Variants in C12orf42 observed in about 807,000 individuals in gnomAD.
The protein encoded by C12orf42 is chromosome 12 open reading frame 42, also known as uncharacterized protein C12orf42.
In C12orf42, 25 loss-of-function variants were observed where a neutral mutation model predicts 21.6. The ratio of observed to expected loss-of-function variants is 1.16; its 90% confidence interval spans 0.84 to 1.62. The LOEUF is 1.62. Ranked by LOEUF, C12orf42 falls within the 40% of genes most tolerant of loss-of-function variation. The probability of loss-of-function intolerance (pLI) is 0.00; values close to 1 mark genes in which losing one functional copy is unlikely to be tolerated. For synonymous variants in C12orf42, 174 were observed against 175.0 expected (o/e 0.99, Z 0.05); for missense variants, 483 against 459.3 (o/e 1.05, Z -0.47).
intron 4 of C12orf42, among the ~76,000 whole-genome samples, chr12:103,281,727 C>T (rs1224685621): frequency 6.6e-6 from 1 of 151,914 alleles, no homozygotes. Flanking sequence ...GCAGTCATAG[C>T]TCACTGCAAC....
the C12orf42 span, among the ~76,000 whole-genome samples, chr12:103,218,550 C>G: frequency 6.6e-6 from 1 of 152,124 alleles, no homozygotes; most frequent in South Asian, 2.1e-4. Flanking sequence ...AAATGCTTCA[C>G]TGGACTCTTG....
intron 4 of C12orf42, among the ~76,000 whole-genome samples, chr12:103,364,932 A>G (rs756648422): frequency 5.3e-5 from 8 of 152,096 alleles, no homozygotes; most frequent in Non-Finnish European, 7.4e-5. Flanking sequence ...TCCTATTGAC[A>G]GTATTCCACA....
chr12:103,506,913 ATATT>A, the C12orf42 span, among the ~76,000 whole-genome samples: 1 of 55,370 alleles, frequency 1.8e-5, no homozygotes, highest in African/African-American at 8.5e-5. Context: ...TATTATATAT[ATATT>A]TATATATTAT....
In C12orf42 at chr12:103,456,570, C is replaced by T. The variant is rs568802147; in HGVS notation, c.78+21779G>A. On this transcript the variant is annotated intron_variant, in intron 2 of 5. Transcript: ENST00000548883. The stretch of plus-strand genomic sequence containing the variant: ...AAGGAATCTTTTAACTCATTGTTTA[C>T]CATTCTTATTATGAAAACAGCACAT... 1.6e-4 allele frequency among the ~76,000 whole-genome samples: 25 copies of T among 152,220 alleles called. No individual in the cohort carries two copies. In the South Asian group the frequency reaches 5.2e-3, roughly 32 times the overall value.
chr12:103,113,504 C>A, the C12orf42 span, among the ~76,000 whole-genome samples: 1 of 148,730 alleles, frequency 6.7e-6, no homozygotes, highest in African/African-American at 2.6e-5. Flanking sequence ...AATTTGAGTT[C>A]TTTTCTCCTA....
chr12:103,383,424 T>C (rs1566202267), intron 3 of C12orf42, among the ~76,000 whole-genome samples: 1 of 152,098 alleles, frequency 6.6e-6, no homozygotes, highest in African/African-American at 2.4e-5. Flanking sequence ...TAAAAGGGCA[T>C]AGTATTCTAT....
chr12:103,136,331 A>T, the C12orf42 span, among the ~76,000 whole-genome samples: 2 of 152,192 alleles, frequency 1.3e-5, no homozygotes, highest in Admixed American at 1.3e-4. Context: ...GGGTATAAAA[A>T]ACCTCCATAG....
At chr12:103,211,084 T>C in the C12orf42 span, among the ~76,000 whole-genome samples, 1 of 152,208 alleles carries the variant, frequency 6.6e-6, no homozygotes, top group East Asian at 1.9e-4. Flanking sequence ...CCTACAGCTC[T>C]TTGTTGGCTG....
chr12:103,538,543 A>G, the C12orf42 span, among the ~76,000 whole-genome samples: 7 of 152,234 alleles, frequency 4.6e-5, no homozygotes, highest in African/African-American at 1.7e-4. Context: ...AGTAGAAGTC[A>G]TTATTGCCTC....
intron 4 of C12orf42, among the ~76,000 whole-genome samples, chr12:103,351,918 C>G (rs1002473172): frequency 6.6e-6 from 1 of 151,774 alleles, no homozygotes; most frequent in Non-Finnish European, 1.5e-5. Flanking sequence ...TCATTTTCTC[C>G]CTCTCTATCC....
chr12:103,449,931 TTTTA>T lies in C12orf42; in HGVS notation c.78+28414_78+28417del, dbSNP rs1428147203. Among the ~76,000 whole-genome samples the T allele has an allele frequency of 2.0e-5, 3 of 151,786 alleles. 1 individual carries two copies. The East Asian group carries it at 5.8e-4, about 29-fold the overall frequency. On this transcript the variant is annotated intron_variant, in intron 2 of 5. Transcript: ENST00000548883. Reference sequence around the variant, plus strand: ...TATTTTATTTTTTCTACTTTTTAAATTTTATTTAATGTATCTTAATATAAGGTTT... The same window carrying T: ...TATTTTATTTTTTCTACTTTTTAAATTTTAATGTATCTTAATATAAGGTTT...
At chr12:103,096,461 T>C in the C12orf42 span, among the ~76,000 whole-genome samples, 27 of 152,328 alleles carry the variant, frequency 1.8e-4, no homozygotes, top group African/African-American at 3.8e-4. Context: ...TGAAAAAATT[T>C]TTGAGTCCTC....
the C12orf42 span, among the ~76,000 whole-genome samples, chr12:103,064,313 G>A: frequency 6.6e-6 from 1 of 152,206 alleles, no homozygotes; most frequent in Non-Finnish European, 1.5e-5. Context: ...ATCCCAAGGT[G>A]GCAGGGGCCA....
At chr12:103,155,644 A>G in the C12orf42 span, among the ~76,000 whole-genome samples, 3 of 151,938 alleles carry the variant, frequency 2.0e-5, no homozygotes, top group Non-Finnish European at 2.9e-5. Flanking sequence ...ACCATTTTAT[A>G]TGTATGTGTG....
the C12orf42 span, among the ~76,000 whole-genome samples, chr12:103,532,948 G>T: frequency 6.6e-6 from 1 of 152,120 alleles, no homozygotes; most frequent in Non-Finnish European, 1.5e-5. Flanking sequence ...CGGAGACAAC[G>T]GGGAATTGTG....
At chr12:103,445,648 T>C (rs1404827867) in intron 2 of C12orf42, among the ~76,000 whole-genome samples, 1 of 152,064 alleles carries the variant, frequency 6.6e-6, no homozygotes, top group Non-Finnish European at 1.5e-5. Flanking sequence ...GTGCCCTAGA[T>C]ATTCTTTCTG....
the C12orf42 span, among the ~76,000 whole-genome samples, chr12:103,077,757 G>A: frequency 1.3e-5 from 2 of 152,262 alleles, no homozygotes; most frequent in South Asian, 2.1e-4. Context: ...AGGTGAGGAC[G>A]TTGCTCTGTG....
chr12:103,423,435 G>T (rs1046142009), intron 2 of C12orf42, among the ~76,000 whole-genome samples: 4 of 152,212 alleles, frequency 2.6e-5, no homozygotes, highest in Non-Finnish European at 5.9e-5. Flanking sequence ...TATGGAAACT[G>T]CAGATTCTAT....
chr12:103,421,674 T>C (rs2049925987), intron 2 of C12orf42, among the ~76,000 whole-genome samples: 1 of 152,062 alleles, frequency 6.6e-6, no homozygotes, highest in African/African-American at 2.4e-5. Context: ...AAAAAAGAAC[T>C]AATATTCCAG....
Sources: gnomAD v4.1 joint callset for allele counts (sites outside exome capture counted in the v4.1 genomes callset) on GRCh38, gnomAD v4.1.1 for gene constraint, MANE v1.5 for transcripts, NCBI Gene and HGNC (gene_info 2026-07-23, HGNC 2026-07-21) for gene names.